Variants in NARS2 observed in about 807,000 individuals in gnomAD.
NARS2 encodes asparaginyl-tRNA synthetase.
NARS2 carries 60 observed loss-of-function variants against 62.9 expected under a neutral mutation model. The ratio of observed to expected loss-of-function variants is 0.95; its 90% CI spans 0.77 to 1.18. The LOEUF (loss-of-function observed/expected upper bound fraction) is 1.18, where lower values mean the gene tolerates loss of function less well. Ranked by LOEUF, NARS2 falls within the 50% of genes most tolerant of loss-of-function variation. The pLI, the probability that NARS2 is intolerant of heterozygous loss-of-function variation, is 0.00. For synonymous variants in NARS2, 196 were observed against 200.0 expected, an observed-to-expected ratio of 0.98 and a Z score of 0.17; for missense variants, 619 against 576.4, an observed-to-expected ratio of 1.07 and a Z score of -0.76.
At chr11:78,543,973 T>C (rs1855738439) in intron 5 of NARS2, among the ~76,000 whole-genome samples, 2 of 136,056 alleles carry the variant, frequency 1.5e-5, no homozygotes, top group South Asian at 2.5e-4. Context: ...GGAGCCAAGA[T>C]TGTGCCACTG....
intron 7 of NARS2, among the ~76,000 whole-genome samples, chr11:78,480,703 T>A (rs1230565128): frequency 1.6e-4 from 21 of 132,616 alleles, no homozygotes; most frequent in African/African-American, 5.9e-4. Flanking sequence ...TTGGGGGGGG[T>A]GGGAAAAAAG....
At chr11:78,552,062 T>C (rs1856141422) in intron 5 of NARS2, among the ~76,000 whole-genome samples, 1 of 151,972 alleles carries the variant, frequency 6.6e-6, no homozygotes, top group Non-Finnish European at 1.5e-5. Flanking sequence ...ACACGTGTCA[T>C]GGGAGTTTGT....
At chr11:78,530,106 CT>C (rs959470529) in intron 5 of NARS2, among the ~76,000 whole-genome samples, 191 of 150,100 alleles carry the variant, frequency 1.3e-3, no homozygotes, top group African/African-American at 4.1e-3. Context: ...TAATAACTGC[CT>C]TTTTTTTTCA....
intron 11 of NARS2, among the ~76,000 whole-genome samples, chr11:78,459,165 T>C (rs1277954348): frequency 1.3e-5 from 2 of 151,918 alleles, no homozygotes; most frequent in African/African-American, 2.4e-5. Flanking sequence ...TCCACCAGCC[T>C]TGACCTCCCA....
chr11:78,444,822 TA>T (rs1288812475), intron 11 of NARS2, among the ~76,000 whole-genome samples: 27 of 151,788 alleles, frequency 1.8e-4, no homozygotes, highest in Admixed American at 1.8e-3. Flanking sequence ...ATACAGATTA[TA>T]GAATGGATAA....
intron 6 of NARS2, among the ~76,000 whole-genome samples, chr11:78,507,518 T>C (rs1860548741): frequency 8.0e-6 from 1 of 124,244 alleles, no homozygotes; most frequent in South Asian, 3.0e-4. Flanking sequence ...TCATTTCTTT[T>C]ATTCTTTTTT....
At chr11:78,536,111 T>C (rs955345288) in intron 5 of NARS2, among the ~76,000 whole-genome samples, 11 of 152,178 alleles carry the variant, frequency 7.2e-5, no homozygotes, top group African/African-American at 2.2e-4. Context: ...AAGATTATAA[T>C]AGAGCTGAAA....
chr11:78,484,466 G>A (rs1241607735), intron 7 of NARS2, among the ~76,000 whole-genome samples: 1 of 152,062 alleles, frequency 6.6e-6, no homozygotes, highest in Non-Finnish European at 1.5e-5. Context: ...TACAGAATGG[G>A]AGAAAATTTT....
chr11:78,544,530 A>C (rs2135471666), intron 5 of NARS2, among the ~76,000 whole-genome samples: 1 of 152,324 alleles, frequency 6.6e-6, no homozygotes, highest in East Asian at 1.9e-4. Flanking sequence ...GCAGTAGCTC[A>C]TGCCTGTAAT....
At chr11:78,507,799 G>A (rs1474123595) in intron 6 of NARS2, among the ~76,000 whole-genome samples, 3 of 151,848 alleles carry the variant, frequency 2.0e-5, no homozygotes, top group South Asian at 2.1e-4. Context: ...GATTACAGGC[G>A]TTAGCCACTG....
chr11:78,447,451 A>G (rs1332168029), intron 11 of NARS2, among the ~76,000 whole-genome samples: 1 of 152,202 alleles, frequency 6.6e-6, no homozygotes, highest in African/African-American at 2.4e-5. Flanking sequence ...AAGTTCCTCA[A>G]AAACCTAAAA....
chr11:78,494,136 A>G lies in NARS2; in HGVS notation c.690-941T>C, dbSNP rs1859952058. Among the ~76,000 whole-genome samples the G allele has an allele frequency of 1.3e-5, 2 of 152,204 alleles. 1 individual carries two copies. Among genetic ancestry groups the G allele is most frequent in the South Asian group, 4.1e-4 (2 of 4,832 alleles). On this transcript the variant is annotated intron_variant, in intron 6 of 13. Transcript: ENST00000281038. Reference sequence around the variant, plus strand: ...GATTCCAGAGGACTATAGCTCAACCATCCAAATGGGGAGAAAAATCCCTTA... The same window carrying G: ...GATTCCAGAGGACTATAGCTCAACCGTCCAAATGGGGAGAAAAATCCCTTA...
At chr11:78,498,654 A>T (rs939705319) in intron 6 of NARS2, among the ~76,000 whole-genome samples, 6 of 142,658 alleles carry the variant, frequency 4.2e-5, no homozygotes, top group Admixed American at 2.2e-4. Context: ...TTCCTAGGCC[A>T]ATCTTCCCAA....
Position 78,552,218 on chromosome 11 carries a change from T to A in NARS2, c.594+7321A>T, listed in dbSNP as rs149718933. Among the ~76,000 whole-genome samples, 1,302 of 152,334 alleles carry A rather than the reference T, an allele frequency of 8.5e-3. 19 individuals carry two copies. Among genetic ancestry groups the A allele is most frequent in the African/African-American group, 0.03 (1,235 of 41,564 alleles). On this transcript the variant is annotated intron_variant, in intron 5 of 13. Transcript: ENST00000281038. Reference sequence around the variant, plus strand: ...TGTTCATAAGTTCTTATCATTTAGCTCCCACTTACAAGTGAGAACATGCGG... The same window carrying A: ...TGTTCATAAGTTCTTATCATTTAGCACCCACTTACAAGTGAGAACATGCGG...
At chr11:78,458,906 G>T (rs540550994) in intron 11 of NARS2, among the ~76,000 whole-genome samples, 5 of 147,016 alleles carry the variant, frequency 3.4e-5, no homozygotes, top group South Asian at 2.2e-4. Flanking sequence ...CTGATGGTGG[G>T]TTTTTTTTTT....
At chr11:78,521,587 G>A (rs910105468) in intron 6 of NARS2, among the ~76,000 whole-genome samples, 16 of 152,004 alleles carry the variant, frequency 1.1e-4, no homozygotes, top group East Asian at 1.9e-4. Context: ...TCAGGAGATC[G>A]AGACCATCCC....
chr11:78,468,121 C>T (rs1416738770), intron 10 of NARS2, among the ~76,000 whole-genome samples: 5 of 150,004 alleles, frequency 3.3e-5, no homozygotes, highest in Admixed American at 1.3e-4. Flanking sequence ...GCTGAAGTGG[C>T]GGATCCCTTG....
At chr11:78,559,717 G>A in intron 4 of NARS2, 98 bp from the exon 5 acceptor site, 4 of 786,048 alleles carry the variant, frequency 5.1e-6, no homozygotes, top group South Asian at 1.6e-5. Flanking sequence ...CTAAGCAGAT[G>A]CTGTATCAAA....
At chr11:78,531,462 A>G (rs1468417210) in intron 5 of NARS2, among the ~76,000 whole-genome samples, 1 of 152,244 alleles carries the variant, frequency 6.6e-6, no homozygotes, top group Non-Finnish European at 1.5e-5. Context: ...TTCCTTAAAA[A>G]GTTAAAATTG....
Sources: gnomAD v4.1 joint callset for allele counts (sites outside exome capture counted in the v4.1 genomes callset) on GRCh38, gnomAD v4.1.1 for gene constraint, MANE v1.5 for transcripts, NCBI Gene and HGNC (gene_info 2026-07-23, HGNC 2026-07-21) for gene names.